NR5A1: variants seen among roughly 807,000 people sequenced by gnomAD.
The protein encoded by NR5A1 is steroidogenic factor 1.
Under a neutral mutation model 42.7 loss-of-function variants are expected in NR5A1, and 6 were observed. The ratio of observed to expected loss-of-function variants is 0.14; its 90% CI spans 0.08 to 0.28. The LOEUF is 0.28. Ranked by LOEUF, NR5A1 falls within the 10% of genes least tolerant of loss-of-function variation. The probability of loss-of-function intolerance (pLI) is 1.00; values close to 1 mark genes in which losing one functional copy is unlikely to be tolerated. For missense variants in NR5A1, 442 were observed against 626.4 expected (o/e 0.71, Z 3.14); for synonymous variants, 274 against 277.5 (o/e 0.99, Z 0.12).
intron 1 of NR5A1, among the ~76,000 whole-genome samples, chr9:124,505,380 G>A (rs2131292762): frequency 6.6e-6 from 1 of 152,306 alleles, no homozygotes; most frequent in African/African-American, 2.4e-5. Flanking sequence ...TCGGATTCAC[G>A]GGTGGAAGCC....
chr9:124,491,192 G>T lies in NR5A1; in HGVS notation c.1027C>A (p.Leu343Met). ...GCCCGCAACACCAGGCTGTGCAGCA[G>T]CGAGCCCGCCTGGGTGGCCACTGTG... The part of the protein sequence containing the change: ...LTTVATQAGS[L>M]LHSLVLRAQE... Residue 343 changes from leucine (L) to methionine (M), a missense_variant, in exon 6 of 7, where the codon CTG becomes ATG. Transcript: ENST00000373588. 6.2e-7 allele frequency: 1 copy of T among 1,608,370 alleles called. No individual in the cohort carries two copies. Among genetic ancestry groups the T allele is most frequent in the Non-Finnish European group, 8.5e-7 (1 of 1,178,072 alleles).
chr9:124,485,252 G>C (rs1045554513), intron 6 of NR5A1, among the ~76,000 whole-genome samples: 5 of 152,126 alleles, frequency 3.3e-5, no homozygotes, highest in African/African-American at 4.8e-5. Context: ...GCCTGGGATG[G>C]GGTGACCAGT....
At chr9:124,486,049 G>A (rs999468615) in intron 6 of NR5A1, among the ~76,000 whole-genome samples, 6 of 152,152 alleles carry the variant, frequency 3.9e-5, no homozygotes, top group Non-Finnish European at 5.9e-5. Flanking sequence ...CCAGGGCCTC[G>A]GCTTTACCGG....
chr9:124,486,020 G>T (rs10986355), intron 6 of NR5A1, among the ~76,000 whole-genome samples: 22 of 151,742 alleles, frequency 1.4e-4, no homozygotes, highest in South Asian at 1.0e-3. Context: ...GGGCAGGGGC[G>T]GGAGGGGGCT....
In NR5A1 at chr9:124,502,177, G is replaced by C. The variant is rs79925734; in HGVS notation, c.244+902C>G. 1.7e-3 allele frequency among the ~76,000 whole-genome samples: 264 copies of C among 152,270 alleles called. 4 individuals are homozygous for C. In the East Asian group the frequency reaches 0.047, roughly 27 times the overall value. Reference sequence around the variant, plus strand: ...GCAGATCCTAATGGAAAGCGTGATGGGCTTGACAGCTAACCTGCGGCAATG... The same window carrying C: ...GCAGATCCTAATGGAAAGCGTGATGCGCTTGACAGCTAACCTGCGGCAATG... On this transcript the variant is annotated intron_variant, in intron 3 of 6. Transcript: ENST00000373588.
At chr9:124,483,162 C>T (rs1420027943) in intron 6 of NR5A1, among the ~76,000 whole-genome samples, 157 bp from the exon 7 acceptor site, 5 of 152,244 alleles carry the variant, frequency 3.3e-5, no homozygotes, top group African/African-American at 1.2e-4. Flanking sequence ...TCCCCGTTGG[C>T]ACCGTGTCGC....
In NR5A1 at chr9:124,483,369, CG is replaced by C. The variant is rs574393748; in HGVS notation, c.1139-365del. Among the ~76,000 whole-genome samples, 4 of 152,342 alleles carry C rather than the reference CG, an allele frequency of 2.6e-5. No homozygotes were observed. In the South Asian group the frequency reaches 8.3e-4, roughly 32 times the overall value. On this transcript the variant is annotated intron_variant, in intron 6 of 6. Transcript: ENST00000373588. ...TATGAAGCCCATCACCAGCCTCCCT[CG>C]GGGAGGATCCCTGGGCAGTTATTGA...
At chr9:124,493,249 C>G in intron 4 of NR5A1, 100 bp from the exon 5 acceptor site, 2 of 1,466,220 alleles carry the variant, frequency 1.4e-6, no homozygotes, top group Non-Finnish European at 1.8e-6. Flanking sequence ...AGGCGTGCAG[C>G]CTGGGCAAGC....
Position 124,501,460 on chromosome 9 carries a change from C to A in NR5A1, c.245-745G>T, listed in dbSNP as rs555571834. Among the ~76,000 whole-genome samples, 1 of 152,370 alleles carries A rather than the reference C, an allele frequency of 6.6e-6. No homozygotes were observed. Among genetic ancestry groups the A allele is most frequent in the East Asian group, 1.9e-4 (1 of 5,192 alleles). ...GGCGAGGAATGTGTCATCAGCCAGA[C>A]CCAACAGGTACATCTCTGCAGCTGG... On this transcript the variant is annotated intron_variant, in intron 3 of 6. Transcript: ENST00000373588. This position sits in a 1 kb window ranked among gnomAD's most constrained non-coding sequence, Gnocchi z 4.1.
At chr9:124,487,666 C>T (rs914125498) in intron 6 of NR5A1, among the ~76,000 whole-genome samples, 2 of 152,214 alleles carry the variant, frequency 1.3e-5, no homozygotes, top group African/African-American at 4.8e-5. Flanking sequence ...GCACTCGTGG[C>T]CAGGCTGTCC....
At position 124,485,623 on chromosome 9, in the gene NR5A1, C is replaced by T. The variant is rs551069430; in HGVS notation, c.1139-2618G>A. On this transcript the variant is annotated intron_variant, in intron 6 of 6. Coordinates refer to ENST00000373588, the MANE Select transcript of NR5A1 (RefSeq NM_004959.5). Reference sequence around the variant, plus strand: ...AGGGTCACCACTAACCCTGAAGGCACCTTTATGCCAATTACATGGAAGTTC... The same window carrying T: ...AGGGTCACCACTAACCCTGAAGGCATCTTTATGCCAATTACATGGAAGTTC... Among the ~76,000 whole-genome samples, 30 of 152,298 alleles carry T rather than the reference C, an allele frequency of 2.0e-4. 1 individual carries two copies. The South Asian group carries it at 3.9e-3, about 20-fold the overall frequency.
intron 1 of NR5A1, among the ~76,000 whole-genome samples, chr9:124,504,868 C>G (rs1365239818): frequency 4.9e-5 from 7 of 143,798 alleles, no homozygotes; most frequent in South Asian, 2.1e-4. Context: ...TCGGCTCCCC[C>G]CTCCCGCCTC....
rs1832501466 is a variant in NR5A1, at chr9:124,503,551, C to A, written c.-15-141G>T. Reference sequence around the variant, plus strand: ...GGCGCTGCCGCCGGCACCCACCGAGCGCCCCGCGCAGCGTCCCGGGGTGGG... The same window carrying A: ...GGCGCTGCCGCCGGCACCCACCGAGAGCCCCGCGCAGCGTCCCGGGGTGGG... On this transcript the variant is annotated intron_variant, in intron 1 of 6. Coordinates refer to ENST00000373588, the MANE Select transcript of NR5A1 (RefSeq NM_004959.5). This position sits in a 1 kb window ranked among gnomAD's most constrained non-coding sequence, Gnocchi z 9.6. 4 of 614,234 alleles carry A rather than the reference C, an allele frequency of 6.5e-6. No homozygotes were observed. The highest frequency in any genetic ancestry group is 1.0e-5 in the Non-Finnish European group (4 of 388,788). 38.0% of individuals were successfully genotyped at this position (614,234 alleles called of 1,614,324 possible).
intron 4 of NR5A1, among the ~76,000 whole-genome samples, chr9:124,495,400 C>T (rs930610318): frequency 5.3e-5 from 8 of 152,246 alleles, no homozygotes; most frequent in Non-Finnish European, 1.0e-4. Context: ...TGCCGACATT[C>T]TGCCCACATT....
chr9:124,497,622 G>A (rs1047067869), intron 4 of NR5A1, among the ~76,000 whole-genome samples: 15 of 152,288 alleles, frequency 9.8e-5, no homozygotes, highest in African/African-American at 3.6e-4. Context: ...CAGAGCCCAA[G>A]CTCTGTCAGG....
rs780952265 is a variant in NR5A1, at chr9:124,500,586, G to A, written c.374C>T (p.Pro125Leu). The part of the protein sequence containing the change: ...ANGFKLETGP[P>L]MGVPPPPPPA... ...AGGGGGCGGCGGGGGCACCCCCATC[G>A]GGGGCCCTGTCTCCAGCTTGAAGCC... The change falls in exon 4 of 7, where the codon CCG (proline) becomes CTG (leucine). Residue 125 changes from proline (P) to leucine (L), a missense_variant. Coordinates refer to ENST00000373588, the MANE Select transcript of NR5A1 (RefSeq NM_004959.5). This position sits in a 1 kb window ranked among gnomAD's most constrained non-coding sequence, Gnocchi z 6.9. The A allele has an allele frequency of 5.2e-5, 84 of 1,611,860 alleles. No individual in the cohort carries two copies. Among genetic ancestry groups the A allele is most frequent in the Non-Finnish European group, 6.4e-5 (76 of 1,179,910 alleles).
At chr9:124,483,464 T>G (rs1832161792) in intron 6 of NR5A1, among the ~76,000 whole-genome samples, 1 of 152,182 alleles carries the variant, frequency 6.6e-6, no homozygotes, top group Non-Finnish European at 1.5e-5. Flanking sequence ...GTCCTGAGAA[T>G]TTAGGGAGCC....
intron 4 of NR5A1, among the ~76,000 whole-genome samples, chr9:124,499,862 TC>T (rs1832439239): frequency 6.6e-6 from 1 of 151,620 alleles, no homozygotes; most frequent in Non-Finnish European, 1.5e-5. Flanking sequence ...CAGCAGTGGC[TC>T]CTTGAGCAGA....
chr9:124,483,492 C>A (rs1458777768), intron 6 of NR5A1, among the ~76,000 whole-genome samples: 2 of 152,242 alleles, frequency 1.3e-5, no homozygotes, highest in Non-Finnish European at 2.9e-5. Flanking sequence ...GGAAAGTGCT[C>A]TGAAGAACAG....
Sources: allele counts gnomAD v4.1 joint callset (sites outside exome capture counted in the v4.1 genomes callset), GRCh38; gene constraint gnomAD v4.1.1; non-coding constraint Gnocchi (gnomAD v3.1); transcripts MANE v1.5; gene names NCBI Gene and HGNC (gene_info 2026-07-23, HGNC 2026-07-21).